The following PCDHA11 variants were observed in gnomAD, a reference collection of about 807,000 sequenced individuals.
PCDHA11 encodes protocadherin alpha 11.
PCDHA11 carries 61 observed loss-of-function variants against 70.3 expected under a neutral mutation model. The ratio of observed to expected loss-of-function variants is 0.87; its 90% CI spans 0.71 to 1.07. The LOEUF is 1.07. Among genes scored for constraint, PCDHA11 ranks in the 50% least tolerant of loss-of-function variants. The pLI is 0.00. For synonymous variants in PCDHA11, 633 were observed against 555.1 expected, an observed-to-expected ratio of 1.14 and a Z score of -1.97; for missense variants, 1,324 against 1,237.5, an observed-to-expected ratio of 1.07 and a Z score of -1.05.
intron 1 of PCDHA11, among the ~76,000 whole-genome samples, chr5:140,921,417 A>C (rs1292321863): frequency 6.6e-6 from 1 of 152,210 alleles, no homozygotes; most frequent in Non-Finnish European, 1.5e-5. Flanking sequence ...TCTGTGCTGC[A>C]GACAAAAATT....
intron 3 of PCDHA11, among the ~76,000 whole-genome samples, chr5:140,994,802 C>T (rs541054161): frequency 7.9e-5 from 12 of 152,066 alleles, no homozygotes; most frequent in Non-Finnish European, 1.6e-4. Flanking sequence ...CATGCAAAAA[C>T]AAAATACAAA....
intron 1 of PCDHA11, among the ~76,000 whole-genome samples, chr5:140,944,592 C>T (rs1225606041): frequency 2.6e-5 from 4 of 152,086 alleles, no homozygotes; most frequent in Non-Finnish European, 4.4e-5. Flanking sequence ...CAGAATTTCC[C>T]TGGGTAGAGT....
chr5:140,964,079 G>A (rs1209152794), intron 1 of PCDHA11, among the ~76,000 whole-genome samples: 3 of 152,178 alleles, frequency 2.0e-5, no homozygotes, highest in African/African-American at 7.2e-5. Flanking sequence ...GTTAATATTT[G>A]TAGAAAGGGT....
chr5:140,936,780 T>C (rs2091148034), intron 1 of PCDHA11, among the ~76,000 whole-genome samples: 1 of 152,224 alleles, frequency 6.6e-6, no homozygotes, highest in Non-Finnish European at 1.5e-5. Flanking sequence ...TCTCTCACTT[T>C]GTTATTCTGC....
At chr5:140,986,085 TCA>T (rs1395722991) in intron 3 of PCDHA11, among the ~76,000 whole-genome samples, 1 of 152,182 alleles carries the variant, frequency 6.6e-6, no homozygotes, top group Non-Finnish European at 1.5e-5. Context: ...TCATTTATTT[TCA>T]CAGTCTGCAA....
In PCDHA11 at chr5:140,887,388, G is replaced by A. The variant is rs138166374; in HGVS notation, c.2391+15894G>A. ...TGGGATTACAGGTGTGAGCCACCGC[G>A]CCCGGCTCTTTATCTCATTTTTATT... is the stretch of plus-strand genomic sequence containing the variant. On this transcript the variant is annotated intron_variant, in intron 1 of 3. Transcript: ENST00000398640. 5.8e-3 allele frequency among the ~76,000 whole-genome samples: 888 copies of A among 152,192 alleles called. 10 individuals carry two copies. The highest frequency in any genetic ancestry group is 0.019 in the African/African-American group (805 of 41,536).
chr5:140,978,702 T>G (rs1200035752), intron 1 of PCDHA11, among the ~76,000 whole-genome samples: 2 of 152,252 alleles, frequency 1.3e-5, no homozygotes, highest in Non-Finnish European at 2.9e-5. Context: ...AAGCCAAAGG[T>G]GGCCTTTACA....
In PCDHA11 at chr5:140,987,075, G is replaced by A. The variant is rs564788093; in HGVS notation, c.2539+4512G>A. On this transcript the variant is annotated intron_variant, in intron 3 of 3. Coordinates refer to ENST00000398640, the MANE Select transcript of PCDHA11 (RefSeq NM_018902.5). ...CTAAAGTTACAAAAATGAGCTGGGC[G>A]TGGTGGCAGGTGCCTGTAATCCCAG... is the stretch of plus-strand genomic sequence containing the variant. Among the ~76,000 whole-genome samples the A allele has an allele frequency of 3.7e-4, 57 of 152,124 alleles. No individual in the cohort carries two copies. In the East Asian group the frequency reaches 9.9e-3, roughly 26 times the overall value.
At chr5:140,996,431 T>C (rs1294673547) in intron 3 of PCDHA11, among the ~76,000 whole-genome samples, 1 of 152,182 alleles carries the variant, frequency 6.6e-6, no homozygotes, top group African/African-American at 2.4e-5. Flanking sequence ...ACTTTGGGAA[T>C]AGTCAGTGTC....
rs1050286921 is a variant in PCDHA11, at chr5:140,879,863, C to G, written c.2391+8369C>G. Among the ~76,000 whole-genome samples, 24 of 152,218 alleles carry G rather than the reference C, an allele frequency of 1.6e-4. 1 individual carries two copies. Among genetic ancestry groups the G allele is most frequent in the Non-Finnish European group, 5.9e-5 (4 of 68,034 alleles). Reference sequence around the variant, plus strand: ...ACCACTCCCATCTCAGCCTTCTCAGCTTTCATGGTCACATTGCCTCCTCCT... The same window carrying G: ...ACCACTCCCATCTCAGCCTTCTCAGGTTTCATGGTCACATTGCCTCCTCCT... On this transcript the variant is annotated intron_variant, in intron 1 of 3. Coordinates refer to ENST00000398640, the MANE Select transcript of PCDHA11 (RefSeq NM_018902.5).
At chr5:140,961,176 C>A (rs782677581) in intron 1 of PCDHA11, among the ~76,000 whole-genome samples, 16 of 152,182 alleles carry the variant, frequency 1.1e-4, no homozygotes, top group Admixed American at 2.0e-4. Context: ...ACCTTATGTA[C>A]TCCTCACAGG....
intron 1 of PCDHA11, among the ~76,000 whole-genome samples, chr5:140,914,956 T>C (rs2076915145): frequency 6.6e-6 from 1 of 150,718 alleles, no homozygotes; most frequent in African/African-American, 2.4e-5. Flanking sequence ...TTTTTTTTTT[T>C]TTTTTTCTGA....
chr5:140,952,334 A>G (rs1585456390), intron 1 of PCDHA11, among the ~76,000 whole-genome samples: 1 of 103,312 alleles, frequency 9.7e-6, no homozygotes, highest in East Asian at 2.9e-4. Context: ...GTGAAACTCC[A>G]TCTCAAAAAA....
At chr5:140,877,299 C>T in intron 1 of PCDHA11, 1 of 1,613,922 alleles carries the variant, frequency 6.2e-7, no homozygotes. Flanking sequence ...GGCTGTCCTA[C>T]GAGTTGCAAC....
intron 1 of PCDHA11, chr5:140,927,454 G>A: frequency 6.2e-7 from 1 of 1,614,182 alleles, no homozygotes; most frequent in Non-Finnish European, 8.5e-7. Flanking sequence ...GTTGGTGTTG[G>A]AGAAAGCACT....
At position 140,927,270 on chromosome 5, in the gene PCDHA11, C is replaced by T. The variant is rs541200655; in HGVS notation, c.2392-51679C>T. 5 of 1,614,150 alleles carry T rather than the reference C, an allele frequency of 3.1e-6. No individual in the cohort carries two copies. The South Asian group carries it at 3.3e-5, about 11-fold the overall frequency. ...ATGACAACTCACCTCTCTTTCCTGCCGGCGACGTGCAGCTGCACATCCCCG... is the reference window on the plus strand; with the variant it reads ...ATGACAACTCACCTCTCTTTCCTGCTGGCGACGTGCAGCTGCACATCCCCG... On this transcript the variant is annotated intron_variant, in intron 1 of 3. Transcript: ENST00000398640.
chr5:140,891,426 C>A lies in PCDHA11; in HGVS notation c.2391+19932C>A, dbSNP rs76102230. On this transcript the variant is annotated intron_variant, in intron 1 of 3. Transcript: ENST00000398640. ...CCACCCCCCACTCTTGCCCCCAAGTCCCCAACGTCCATTGTATAGGATTTT... is the reference window on the plus strand; with the variant it reads ...CCACCCCCCACTCTTGCCCCCAAGTACCCAACGTCCATTGTATAGGATTTT... Among the ~76,000 whole-genome samples, 774 of 148,652 alleles carry A rather than the reference C, an allele frequency of 5.2e-3. 4 individuals are homozygous for A. Among genetic ancestry groups the A allele is most frequent in the African/African-American group, 0.018 (747 of 40,514 alleles).
At chr5:141,004,839 C>G (rs1168305271) in intron 3 of PCDHA11, among the ~76,000 whole-genome samples, 1 of 152,168 alleles carries the variant, frequency 6.6e-6, no homozygotes, top group Non-Finnish European at 1.5e-5. Context: ...AGATCAAAGT[C>G]ATTAGTCTCA....
chr5:140,875,452 C>CA, intron 1 of PCDHA11: 1 of 1,592,570 alleles, frequency 6.3e-7, no homozygotes, highest in Non-Finnish European at 8.6e-7. Context: ...TGTCCCAACT[C>CA]AGAGGCCCTC....
Sources: allele counts gnomAD v4.1 joint callset (sites outside exome capture counted in the v4.1 genomes callset), GRCh38; gene constraint gnomAD v4.1.1; transcripts MANE v1.5; gene names NCBI Gene and HGNC (gene_info 2026-07-23, HGNC 2026-07-21).